KCTD1: variants seen among roughly 807,000 people sequenced by gnomAD.
KCTD1 encodes the protein BTB/POZ domain-containing protein KCTD1.
Under a neutral mutation model 66.0 loss-of-function variants are expected in KCTD1, and 24 were observed. The observed-to-expected ratio is 0.36, with a 90% confidence interval of 0.26 to 0.51. The LOEUF is 0.51. KCTD1 is among the 20% of genes least tolerant of loss of function. KCTD1 has a pLI of 0.95. For missense variants in KCTD1, 943 were observed against 1,205.2 expected (o/e 0.78, Z 3.22); for synonymous variants, 511 against 517.2 (o/e 0.99, Z 0.16).
chr18:26,548,252 C>CTCCTCTTCCTCCTCCTCCTCG lies in KCTD1; in HGVS notation c.264_284dup (p.Asp88_Glu94dup). 1 of 1,514,688 alleles carries CTCCTCTTCCTCCTCCTCCTCG rather than the reference C, an allele frequency of 6.6e-7. No individual in the cohort carries two copies. Among genetic ancestry groups the CTCCTCTTCCTCCTCCTCCTCG allele is most frequent in the Non-Finnish European group, 8.8e-7 (1 of 1,135,452 alleles). The allele number at this position is 1,514,688 out of a possible 1,614,324, so 93.8% of individuals were successfully genotyped here. ...GCTCGTCCCAGTCCAGCCCCATCTC[C>CTCCTCTTCCTCCTCCTCCTCG]TCCTCTTCCTCCTCCTCCTCGTCCT... On this transcript the variant is annotated inframe_insertion, in exon 1 of 5. Transcript: ENST00000580059.
upstream of KCTD1, among the ~76,000 whole-genome samples, chr18:26,643,433 A>G (rs980603113): frequency 6.6e-6 from 1 of 152,206 alleles, no homozygotes; most frequent in African/African-American, 2.4e-5. Context: ...GAAGGGGCCA[A>G]TGGAGACAGG....
intron 1 of KCTD1, chr18:26,591,670 C>G (rs1986607448): frequency 6.6e-6 from 1 of 152,230 alleles, no homozygotes; most frequent in South Asian, 2.1e-4. Flanking sequence ...ACTGTACATA[C>G]ACAGAGTAAG....
Position 26,548,485 on chromosome 18 carries a change from CGCT to C in KCTD1, c.49_51del (p.Ser17del). The C allele has an allele frequency of 8.1e-7, 1 of 1,237,986 alleles. No individual in the cohort carries two copies. Among genetic ancestry groups the C allele is most frequent in the Non-Finnish European group, 1.0e-6 (1 of 996,898 alleles). 76.7% of individuals were successfully genotyped at this position (1,237,986 alleles called of 1,614,324 possible). On this transcript the variant is annotated inframe_deletion, in exon 1 of 5. Transcript: ENST00000580059. The stretch of plus-strand genomic sequence containing the variant: ...TCGGCGGCGGCGGCGGCAGCGCTGG[CGCT>C]GCCGCCCGCGCTGGTGTTACAGTCC...
At chr18:26,479,183 T>C (rs1290065003) in intron 2 of KCTD1, among the ~76,000 whole-genome samples, 1 of 152,150 alleles carries the variant, frequency 6.6e-6, no homozygotes, top group Non-Finnish European at 1.5e-5. Context: ...GCCCCACGAA[T>C]AACCTAGAGG....
At chr18:26,545,791 G>A (rs1159695105) in intron 1 of KCTD1, 1 of 152,034 alleles carries the variant, frequency 6.6e-6, no homozygotes, top group Non-Finnish European at 1.5e-5. Context: ...AATAAGGAAA[G>A]AAGAATCTAA....
chr18:26,625,799 C>T (rs960489735), intron 1 of KCTD1, among the ~76,000 whole-genome samples: 4 of 152,152 alleles, frequency 2.6e-5, no homozygotes, highest in African/African-American at 9.7e-5. Flanking sequence ...TTTTGCCTCT[C>T]TGGTCCCCCT....
intron 1 of KCTD1, among the ~76,000 whole-genome samples, chr18:26,627,581 T>A (rs1987530896): frequency 6.6e-6 from 1 of 152,176 alleles, no homozygotes; most frequent in Non-Finnish European, 1.5e-5. Context: ...GGAACCTGGG[T>A]CCTCTAAGGA....
intron 1 of KCTD1, among the ~76,000 whole-genome samples, chr18:26,595,755 G>A (rs751222102): frequency 7.2e-5 from 11 of 152,182 alleles, no homozygotes; most frequent in Non-Finnish European, 1.5e-4. Context: ...GAAATGTATT[G>A]TAGGCTGGGT....
At chr18:26,586,059 G>GTCTC (rs1167812654) in intron 1 of KCTD1, among the ~76,000 whole-genome samples, 1 of 152,044 alleles carries the variant, frequency 6.6e-6, no homozygotes, top group East Asian at 1.9e-4. Flanking sequence ...AAAACAAGCA[G>GTCTC]TCTCTTCAAT....
At chr18:26,456,025 G>C in intron 4 of KCTD1, 124 bp from the exon 5 acceptor site, 1 of 863,350 alleles carries the variant, frequency 1.2e-6, no homozygotes, top group African/African-American at 1.7e-5. Context: ...GTCCCTGTGA[G>C]CTGCTCCTCT....
At chr18:26,493,071 C>A (rs1982288974) in intron 2 of KCTD1, among the ~76,000 whole-genome samples, 1 of 152,158 alleles carries the variant, frequency 6.6e-6, no homozygotes, top group South Asian at 2.1e-4. Flanking sequence ...GCTACCAGGT[C>A]CCAAGGATAC....
chr18:26,491,301 C>T (rs1025773226), intron 2 of KCTD1, among the ~76,000 whole-genome samples: 1 of 152,146 alleles, frequency 6.6e-6, no homozygotes, highest in African/African-American at 2.4e-5. Context: ...GAGCAGCCCT[C>T]AATATCCCAG....
upstream of KCTD1, among the ~76,000 whole-genome samples, chr18:26,631,875 C>G (rs551162004): frequency 2.9e-4 from 41 of 143,408 alleles, no homozygotes; most frequent in African/African-American, 1.1e-3. Context: ...GGTGAAACCC[C>G]GTCTCTACTA....
chr18:26,636,647 C>T (rs370886767), intron 1 of KCTD1, among the ~76,000 whole-genome samples: 3 of 152,334 alleles, frequency 2.0e-5, no homozygotes, highest in South Asian at 4.1e-4. Flanking sequence ...AATACCTGAG[C>T]GTTGGGGTCA....
chr18:26,484,842 G>A (rs1363101235), intron 2 of KCTD1, among the ~76,000 whole-genome samples: 1 of 152,200 alleles, frequency 6.6e-6, no homozygotes, highest in East Asian at 1.9e-4. Context: ...GAAGGGCACA[G>A]GGGCTTGGAG....
Position 26,481,521 on chromosome 18 carries a change from T to C in KCTD1, c.1989-4862A>G, listed in dbSNP as rs146746550. Among the ~76,000 whole-genome samples, 36 of 152,268 alleles carry C rather than the reference T, an allele frequency of 2.4e-4. No individual in the cohort carries two copies. In the East Asian group the frequency reaches 6.6e-3, roughly 28 times the overall value. On this transcript the variant is annotated intron_variant, in intron 2 of 4. Transcript: ENST00000580059. Reference sequence around the variant, plus strand: ...GCAGAAGCCAGATCGTAAAAAGCCATGTGAGCCGGGTCAAGGAGTTTAGAT... The same window carrying C: ...GCAGAAGCCAGATCGTAAAAAGCCACGTGAGCCGGGTCAAGGAGTTTAGAT...
intron 2 of KCTD1, among the ~76,000 whole-genome samples, chr18:26,480,736 C>CAG (rs1377157333): frequency 1.3e-5 from 2 of 152,114 alleles, no homozygotes; most frequent in Admixed American, 1.3e-4. Flanking sequence ...CACTGCACTC[C>CAG]AGCCTGGGCA....
chr18:26,637,605 A>C (rs1987750694), intron 1 of KCTD1, among the ~76,000 whole-genome samples: 1 of 152,216 alleles, frequency 6.6e-6, no homozygotes, highest in Non-Finnish European at 1.5e-5. Context: ...GGAGAAAGGT[A>C]GCCCTGTCGC....
exon 1 of KCTD1, chr18:26,629,186 G>A (rs513957): frequency 0.74 from 728,223 of 984,326 alleles, 270,369 homozygotes; most frequent in African/African-American, 0.86. Flanking sequence ...TGCACCCTCC[G>A]TCCCAGTTGG....
Sources: gnomAD v4.1 joint callset for allele counts (sites outside exome capture counted in the v4.1 genomes callset) on GRCh38, gnomAD v4.1.1 for gene constraint, MANE v1.5 for transcripts, NCBI Gene and HGNC (gene_info 2026-07-23, HGNC 2026-07-21) for gene names.